Variants in MYBPC1 observed in about 807,000 individuals in gnomAD.
MYBPC1 encodes the protein myosin binding protein C1.
In MYBPC1, 52 loss-of-function variants were observed where a neutral mutation model predicts 147.1. That is an observed-to-expected ratio of 0.35 (90% confidence interval 0.28 to 0.45). The LOEUF (loss-of-function observed/expected upper bound fraction) is 0.45. MYBPC1 is among the 20% of genes least tolerant of loss of function. The pLI, the probability that MYBPC1 is intolerant of heterozygous loss-of-function variation, is 1.00. For missense variants in MYBPC1, 1,228 were observed against 1,440.3 expected, an observed-to-expected ratio of 0.85 and a Z score of 2.39; for synonymous variants, 477 against 475.9, an observed-to-expected ratio of 1.00 and a Z score of -0.03.
chr12:101,686,863 G>C (rs1262692692), downstream of MYBPC1, among the ~76,000 whole-genome samples: 2 of 152,122 alleles, frequency 1.3e-5, no homozygotes, highest in African/African-American at 2.4e-5. Context: ...GAGAACAAAA[G>C]AAAGTCTAGT....
chr12:101,619,456 A>G (rs1886883481), intron 3 of MYBPC1, among the ~76,000 whole-genome samples: 1 of 152,196 alleles, frequency 6.6e-6, no homozygotes, highest in African/African-American at 2.4e-5. Flanking sequence ...TCCCTCCAGC[A>G]TCTGGCAGAG....
At chr12:101,640,601 C>G (rs571562628) in intron 10 of MYBPC1, among the ~76,000 whole-genome samples, 57 of 152,174 alleles carry the variant, frequency 3.7e-4, no homozygotes, top group Non-Finnish European at 5.9e-4. Flanking sequence ...ATTGGAGAGA[C>G]CAGTGACCTT....
rs1332719754 is a variant in MYBPC1, at chr12:101,626,884, T to C, written c.116T>C (p.Val39Ala). 2 of 1,612,876 alleles carry C rather than the reference T, an allele frequency of 1.2e-6. No individual in the cohort carries two copies. The highest frequency in any genetic ancestry group is 4.5e-5 in the East Asian group (2 of 44,876). The change falls in exon 4 of 32, where the codon GTC becomes GCC. Residue 39 changes from valine to alanine, a missense_variant. Val to Ala is a moderately conservative substitution (Grantham distance 64). Around this residue, in one of 2 missense-constraint regions of MYBPC1, gnomAD observed 151 missense variants for 126.1 expected, o/e 1.20. Transcript: ENST00000361466. The stretch of plus-strand genomic sequence containing the variant: ...TTTCTTGTTTCAGATGAAGAGGAAG[T>C]CTCCCCGCCTAGCGCCTTGCCTCCA... ...GTTPAKDEEE[V>A]SPPSALPPGL... is the part of the protein sequence containing the mutation.
At chr12:101,657,730 C>A (rs1038412349) in intron 18 of MYBPC1, among the ~76,000 whole-genome samples, 15 of 151,920 alleles carry the variant, frequency 9.9e-5, no homozygotes, top group Non-Finnish European at 1.8e-4. Flanking sequence ...AGCAACAGGC[C>A]CCAATGGGTT....
intron 2 of MYBPC1, 54 bp from the exon 3 acceptor site, chr12:101,617,148 C>T: frequency 6.3e-7 from 1 of 1,579,780 alleles, no homozygotes; most frequent in East Asian, 2.2e-5. Context: ...TTGCTCATCA[C>T]ACAATAAAAT....
intron 1 of MYBPC1, among the ~76,000 whole-genome samples, chr12:101,612,104 A>G (rs1308305429): frequency 2.0e-5 from 3 of 151,762 alleles, no homozygotes; most frequent in Non-Finnish European, 4.4e-5. Context: ...AAAAAGAATA[A>G]TCAGCTCTGA....
chr12:101,627,542 T>G (rs1209973143), intron 4 of MYBPC1, among the ~76,000 whole-genome samples: 1 of 152,106 alleles, frequency 6.6e-6, no homozygotes, highest in Non-Finnish European at 1.5e-5. Context: ...CGCCCCCAGC[T>G]GGGATTTTTT....
intron 3 of MYBPC1, among the ~76,000 whole-genome samples, chr12:101,625,364 G>A (rs1888358031): frequency 6.6e-6 from 1 of 152,118 alleles, no homozygotes; most frequent in African/African-American, 2.4e-5. Context: ...TATTCTAACT[G>A]GACTGCACTT....
At chr12:101,673,884 C>G (rs1899262638) in intron 25 of MYBPC1, among the ~76,000 whole-genome samples, 1 of 152,158 alleles carries the variant, frequency 6.6e-6, no homozygotes, top group Non-Finnish European at 1.5e-5. Flanking sequence ...GAAGCCCCGT[C>G]TCTACTAAAA....
chr12:101,679,875 GT>G (rs1204228804), intron 28 of MYBPC1, among the ~76,000 whole-genome samples: 4 of 152,194 alleles, frequency 2.6e-5, no homozygotes, highest in Admixed American at 6.5e-5. Context: ...GGATGACATT[GT>G]TTTTTAATTT....
intron 28 of MYBPC1, 128 bp downstream of exon 28, chr12:101,678,366 T>A: frequency 7.5e-7 from 1 of 1,331,626 alleles, no homozygotes; most frequent in Non-Finnish European, 1.1e-6. Flanking sequence ...TAGAAGGTGG[T>A]AGTGGTGGTA....
At chr12:101,675,238 T>C in intron 25 of MYBPC1, 54 bp from the exon 26 acceptor site, 1 of 1,608,610 alleles carries the variant, frequency 6.2e-7, no homozygotes, top group African/African-American at 1.3e-5. Flanking sequence ...TGAAACAAAA[T>C]GTAGACTGGG....
chr12:101,614,115 T>C (rs1441733196), intron 1 of MYBPC1, among the ~76,000 whole-genome samples: 2 of 152,052 alleles, frequency 1.3e-5, no homozygotes, highest in East Asian at 3.9e-4. Flanking sequence ...TGCGGCCATT[T>C]CTCTAGAGGC....
rs555009384 is a variant in MYBPC1, at chr12:101,677,218, A to T, written c.2950-17A>T. 9.5e-5 allele frequency: 151 copies of T among 1,590,738 alleles called. No individual in the cohort carries two copies. In the African/African-American group the frequency reaches 1.0e-3, roughly 11 times the overall value. ...TTTAGGTGATTTTCCTCCAGTTATTATTTTTTTTTCTTTTAGGAATGGTTT... is the reference window on the plus strand; with the variant it reads ...TTTAGGTGATTTTCCTCCAGTTATTTTTTTTTTTTCTTTTAGGAATGGTTT... On this transcript the variant is annotated splice_polypyrimidine_tract_variant and intron_variant, in intron 26 of 31. Transcript: ENST00000361466.
At chr12:101,662,234 A>G (rs1896698976) in intron 20 of MYBPC1, 124 bp from the exon 21 acceptor site, 2 of 754,540 alleles carry the variant, frequency 2.7e-6, no homozygotes, top group Admixed American at 5.2e-5. Context: ...ATATTTACAT[A>G]CATATATGAC....
intron 13 of MYBPC1, 66 bp downstream of exon 13, chr12:101,646,953 C>T (rs1893287221): frequency 6.3e-7 from 1 of 1,589,752 alleles, no homozygotes; most frequent in Non-Finnish European, 8.6e-7. Flanking sequence ...GGATAATGAT[C>T]AAAGTGAAAG....
At chr12:101,665,176 C>T (rs934862206) in intron 22 of MYBPC1, among the ~76,000 whole-genome samples, 1 of 151,866 alleles carries the variant, frequency 6.6e-6, no homozygotes, top group African/African-American at 2.4e-5. Flanking sequence ...TGTGTAGATA[C>T]ATATGTATAT....
At chr12:101,668,747 G>A (rs888806130) in intron 23 of MYBPC1, among the ~76,000 whole-genome samples, 3 of 152,220 alleles carry the variant, frequency 2.0e-5, no homozygotes, top group Non-Finnish European at 2.9e-5. Context: ...TTACAGGCGT[G>A]AGCCACCACG....
At chr12:101,596,979 T>C (rs893864684) in intron 1 of MYBPC1, among the ~76,000 whole-genome samples, 3 of 152,210 alleles carry the variant, frequency 2.0e-5, no homozygotes, top group South Asian at 4.1e-4. Flanking sequence ...TTAAAATCCA[T>C]TGAGGAAGTA....
Sources: gnomAD v4.1 joint callset for allele counts (sites outside exome capture counted in the v4.1 genomes callset) on GRCh38, gnomAD v4.1.1 for gene constraint, gnomAD v4.1.1 regional missense constraint, MANE v1.5 for transcripts, NCBI Gene and HGNC (gene_info 2026-07-23, HGNC 2026-07-21) for gene names.